Variants in CACNA1D observed in about 807,000 individuals in gnomAD.
The protein encoded by CACNA1D is calcium voltage-gated channel subunit alpha1 D.
Under a neutral mutation model 257.1 loss-of-function variants are expected in CACNA1D, and 55 were observed. The ratio of observed to expected loss-of-function variants is 0.21; its 90% CI spans 0.17 to 0.27. The LOEUF (loss-of-function observed/expected upper bound fraction) is 0.27, where lower values mean the gene tolerates loss of function less well. CACNA1D is among the 10% of genes least tolerant of loss of function. The pLI, the probability that CACNA1D is intolerant of heterozygous loss-of-function variation, is 1.00. For missense variants in CACNA1D, 1,876 were observed against 2,784.0 expected (o/e 0.67, Z 7.34); for synonymous variants, 980 against 1,014.9 (o/e 0.97, Z 0.65).
At chr3:53,791,459 A>G (rs995792881) in intron 40 of CACNA1D, 1 of 157,364 alleles carries the variant, frequency 6.4e-6, no homozygotes, top group Non-Finnish European at 1.4e-5. Flanking sequence ...TAAGGTGGGT[A>G]TCTGACTCCA....
chr3:53,582,755 G>C (rs1423987195), intron 3 of CACNA1D, among the ~76,000 whole-genome samples: 1 of 152,184 alleles, frequency 6.6e-6, no homozygotes, highest in Non-Finnish European at 1.5e-5. Context: ...ATTGGTGCAA[G>C]TAGCCTGGCA....
chr3:53,537,727 G>C (rs188343549), intron 3 of CACNA1D, among the ~76,000 whole-genome samples: 86 of 152,118 alleles, frequency 5.7e-4, no homozygotes, highest in African/African-American at 1.9e-3. Context: ...ATTTTAATCT[G>C]TCTGTTCCCT....
chr3:53,786,735 CT>C, intron 39 of CACNA1D, 86 bp from the exon 40 acceptor site: 1 of 983,492 alleles, frequency 1.0e-6, no homozygotes, highest in Non-Finnish European at 1.5e-6. Flanking sequence ...CACTCTGCCC[CT>C]GCCCCTGCCC....
chr3:53,630,230 T>C (rs148098941), intron 3 of CACNA1D, among the ~76,000 whole-genome samples: 165 of 152,364 alleles, frequency 1.1e-3, no homozygotes, highest in South Asian at 2.5e-3. Context: ...TTGCACAGGC[T>C]ACACCTATAA....
At chr3:53,516,365 A>AT (rs934465369) in intron 3 of CACNA1D, among the ~76,000 whole-genome samples, 1 of 152,110 alleles carries the variant, frequency 6.6e-6, no homozygotes, top group Admixed American at 6.5e-5. Context: ...TTGCCTTATG[A>AT]TTTTTTCCCT....
intron 3 of CACNA1D, among the ~76,000 whole-genome samples, chr3:53,636,175 G>A (rs1427856390): frequency 6.6e-6 from 1 of 152,074 alleles, no homozygotes; most frequent in Non-Finnish European, 1.5e-5. Flanking sequence ...GTCCAGGGGT[G>A]GCTAAAGATT....
rs1559663794 is a variant in CACNA1D, at chr3:53,774,398, C to T, written c.4111-189C>T. The T allele has an allele frequency of 1.7e-6, 1 of 597,664 alleles. No individual in the cohort carries two copies. The highest frequency in any genetic ancestry group is 3.0e-6 in the Non-Finnish European group (1 of 333,078). The allele number at this position is 597,664 out of a possible 1,614,324, so 37.0% of individuals were successfully genotyped here. On this transcript the variant is annotated intron_variant, in intron 33 of 47. Coordinates refer to ENST00000350061, the MANE Select transcript of CACNA1D (RefSeq NM_001128840.3). The surrounding 1 kb of genome is among the most constrained non-coding windows in gnomAD (Gnocchi z 4.3). ...CCGTGCCCCTCTGGAGCACCACGTT[C>T]CCAGTGTGTAACCTGCTGCCTGGCA... is the stretch of plus-strand genomic sequence containing the variant.
At chr3:53,585,962 C>T (rs559899899) in intron 3 of CACNA1D, among the ~76,000 whole-genome samples, 9 of 152,188 alleles carry the variant, frequency 5.9e-5, no homozygotes, top group African/African-American at 2.2e-4. Flanking sequence ...GCCTGGAGTC[C>T]CTGCCTCCGA....
In CACNA1D at chr3:53,733,960, G is replaced by A. The variant is rs1438732757; in HGVS notation, c.2621+998G>A. 9.2e-5 allele frequency among the ~76,000 whole-genome samples: 13 copies of A among 141,998 alleles called. No homozygotes were observed. The Admixed American group carries it at 9.3e-4, about 10-fold the overall frequency. 93.2% of individuals were successfully genotyped at this position (141,998 alleles called of 152,430 possible). A position where few individuals can be genotyped will look rare whatever the true frequency, so the allele number is the denominator to read the frequency against. ...TGTGTGTGTGTGTGTGTGTATGTAT[G>A]TATGTATGTATATGTATATATATAT... On this transcript the variant is annotated intron_variant, in intron 19 of 47. Coordinates refer to ENST00000350061, the MANE Select transcript of CACNA1D (RefSeq NM_001128840.3).
intron 3 of CACNA1D, among the ~76,000 whole-genome samples, chr3:53,618,851 C>T (rs1170708757): frequency 1.3e-5 from 2 of 152,200 alleles, no homozygotes; most frequent in African/African-American, 4.8e-5. Flanking sequence ...AATTCTGGCC[C>T]TGCTGCTCCC....
At chr3:53,678,601 C>T (rs2094398681) in intron 8 of CACNA1D, among the ~76,000 whole-genome samples, 1 of 152,132 alleles carries the variant, frequency 6.6e-6, no homozygotes, top group Non-Finnish European at 1.5e-5. Flanking sequence ...TTGAATCTCG[C>T]CTCCTACATC....
At chr3:53,590,216 G>A (rs2093283223) in intron 3 of CACNA1D, among the ~76,000 whole-genome samples, 1 of 152,180 alleles carries the variant, frequency 6.6e-6, no homozygotes, top group South Asian at 2.1e-4. Context: ...TTGCTCTAAG[G>A]AGTCAACTCC....
intron 3 of CACNA1D, among the ~76,000 whole-genome samples, chr3:53,580,964 TG>T (rs1229025238): frequency 6.6e-6 from 1 of 152,202 alleles, no homozygotes; most frequent in Non-Finnish European, 1.5e-5. Context: ...GGGCACTGAC[TG>T]GGAGGTGAAA....
chr3:53,775,241 A>C (rs1335269278), intron 34 of CACNA1D, among the ~76,000 whole-genome samples: 1 of 152,212 alleles, frequency 6.6e-6, no homozygotes, highest in South Asian at 2.1e-4. Context: ...CCTTCAACAA[A>C]ATTGAACAGA....
intron 8 of CACNA1D, among the ~76,000 whole-genome samples, chr3:53,682,487 T>C (rs1005234463): frequency 1.6e-4 from 24 of 150,456 alleles, no homozygotes; most frequent in African/African-American, 5.4e-4. Flanking sequence ...AGCCTAGGAG[T>C]TTGAGGTTGC....
intron 30 of CACNA1D, among the ~76,000 whole-genome samples, chr3:53,767,203 T>C (rs1191677089): frequency 3.9e-5 from 6 of 152,182 alleles, no homozygotes; most frequent in East Asian, 1.9e-4. Context: ...GGGCCAGCTT[T>C]ACCCTGGCCC....
At chr3:53,664,035 G>A (rs1323002912) in intron 5 of CACNA1D, among the ~76,000 whole-genome samples, 2 of 152,068 alleles carry the variant, frequency 1.3e-5, no homozygotes, top group Non-Finnish European at 2.9e-5. Context: ...CAAAGTGCTG[G>A]GATTACAGGC....
chr3:53,535,363 T>C (rs183969081), intron 3 of CACNA1D, among the ~76,000 whole-genome samples: 27 of 152,094 alleles, frequency 1.8e-4, no homozygotes, highest in Admixed American at 1.6e-3. Flanking sequence ...TGGAGTGGAG[T>C]GACAGGAAGC....
intron 3 of CACNA1D, among the ~76,000 whole-genome samples, chr3:53,598,388 C>T (rs1299753071): frequency 2.0e-5 from 3 of 150,972 alleles, no homozygotes; most frequent in Non-Finnish European, 4.4e-5. Context: ...CCAGCCTAAC[C>T]AACATGGCAC....
Sources: allele counts gnomAD v4.1 joint callset (sites outside exome capture counted in the v4.1 genomes callset), GRCh38; gene constraint gnomAD v4.1.1; non-coding constraint Gnocchi (gnomAD v3.1); transcripts MANE v1.5; gene names NCBI Gene and HGNC (gene_info 2026-07-23, HGNC 2026-07-21).